IARS1: variants seen among roughly 807,000 people sequenced by gnomAD.
IARS1 encodes the protein isoleucyl-tRNA synthetase 1.
IARS1 carries 124 observed loss-of-function variants against 168.2 expected under a neutral mutation model. The observed-to-expected ratio is 0.74, with a 90% CI of 0.64 to 0.86. The LOEUF (loss-of-function observed/expected upper bound fraction) is 0.86. Among genes scored for constraint, IARS1 ranks in the 40% least tolerant of loss-of-function variants. IARS1 has a pLI of 0.00. For synonymous variants in IARS1, 532 were observed against 529.4 expected, an observed-to-expected ratio of 1.00 and a Z score of -0.07; for missense variants, 1,452 against 1,515.8, an observed-to-expected ratio of 0.96 and a Z score of 0.70.
At chr9:92,285,342 G>A (rs1380611616) in intron 6 of IARS1, among the ~76,000 whole-genome samples, 6 of 152,016 alleles carry the variant, frequency 3.9e-5, no homozygotes, top group South Asian at 2.1e-4. Flanking sequence ...TCCAAATACC[G>A]TTAACAAATA....
chr9:92,256,691 G>A lies in IARS1; in HGVS notation c.2126C>T (p.Thr709Ile). The A allele has an allele frequency of 6.2e-7, 1 of 1,613,590 alleles. No individual in the cohort carries two copies. ...CAAGAGAGACTCACCTGCCATTTCA[G>A]TCTCAAAGAAGCCAATGAGAGACTG... ...FMQSLIGFFETEMAAYRLYTV... is the reference protein window; with the variant it reads ...FMQSLIGFFEIEMAAYRLYTV... Residue 709 changes from threonine to isoleucine, a missense_variant, in exon 20 of 34, where the codon ACT (threonine) becomes ATT (isoleucine). By Grantham distance (89) the Thr-to-Ile change is moderately conservative. Transcript: ENST00000443024.
intron 1 of IARS1, 186 bp downstream of exon 1, chr9:92,293,425 T>C (rs762211163): frequency 3.6e-5 from 19 of 531,416 alleles, no homozygotes; most frequent in African/African-American, 5.8e-5. Flanking sequence ...AAGATTTTAC[T>C]CATTTCAAAC....
Position 92,243,280 on chromosome 9 carries a change from T to G in IARS1, c.2936A>C (p.Gln979Pro). Residue 979 changes from glutamine (Q) to proline (P), a missense_variant, in exon 28 of 34, where the codon CAG (glutamine) becomes CCG (proline). Gln to Pro is a moderately conservative substitution (Grantham distance 76). Transcript: ENST00000443024. The stretch of plus-strand genomic sequence containing the variant: ...AGCCATTCCTTCATCTACCATTGAC[T>G]GGTCAGGAGTGACATCTAAGAGGAC... ...ALVLLDVTPDQSMVDEGMARE... is the reference protein window; with the variant it reads ...ALVLLDVTPDPSMVDEGMARE... 1.2e-6 allele frequency: 2 copies of G among 1,613,574 alleles called. No homozygotes were observed. The highest frequency in any genetic ancestry group is 3.3e-4 in the Middle Eastern group (2 of 6,060).
At chr9:92,274,633 T>C (rs1228608906) in intron 9 of IARS1, 112 bp from the exon 10 acceptor site, 3 of 655,224 alleles carry the variant, frequency 4.6e-6, no homozygotes, top group Non-Finnish European at 8.1e-6. Context: ...GTAAAATTAT[T>C]TTCAGAAATA....
intron 10 of IARS1, among the ~76,000 whole-genome samples, chr9:92,272,566 A>T (rs1038748070): frequency 6.6e-6 from 1 of 152,188 alleles, no homozygotes; most frequent in Admixed American, 6.5e-5. Flanking sequence ...AATGTTTACC[A>T]AGGCCGGGTG....
rs979112912 is a variant in IARS1 at position 92,210,766 on chromosome 9, A to G, written c.*41T>C. On this transcript the variant is annotated 3_prime_UTR_variant, in exon 34 of 34. Transcript: ENST00000443024. ...GCATGTATGTGTAGGGGATAGGTGT[A>G]ATTAGGGAAGGGCTGACCGAACAAC... 8.4e-7 allele frequency: 1 copy of G among 1,186,088 alleles called. No individual in the cohort carries two copies. Among genetic ancestry groups the G allele is most frequent in the South Asian group, 1.2e-5 (1 of 82,312 alleles). 73.5% of individuals were successfully genotyped at this position (1,186,088 alleles called of 1,614,324 possible).
In IARS1 at chr9:92,222,517, T is replaced by C. The variant is rs1383803474; in HGVS notation, c.3706+3A>G. The C allele has an allele frequency of 6.2e-7, 1 of 1,613,486 alleles. No individual in the cohort carries two copies. The highest frequency in any genetic ancestry group is 8.5e-7 in the Non-Finnish European group (1 of 1,179,826). The stretch of plus-strand genomic sequence containing the variant: ...AAAAACTTACGGTCCACAATCTCCT[T>C]ACCCTGCGTTTGGGTCTCATTCAGA... On this transcript the variant is annotated splice_donor_region_variant and intron_variant, in intron 33 of 33. Coordinates refer to ENST00000443024, the MANE Select transcript of IARS1 (RefSeq NM_002161.6).
chr9:92,242,126 T>A, intron 29 of IARS1, 28 bp downstream of exon 29: 3 of 1,573,236 alleles, frequency 1.9e-6, no homozygotes, highest in Non-Finnish European at 2.6e-6. Context: ...AACCCTTTAG[T>A]AGTAGTTCAG....
rs1442827698 is a variant in IARS1, at chr9:92,210,569, A to T, written c.*238T>A. The T allele has an allele frequency of 2.4e-6, 1 of 410,550 alleles. No homozygotes were observed. Among genetic ancestry groups the T allele is most frequent in the Non-Finnish European group, 4.4e-6 (1 of 227,858 alleles). 25.4% of individuals were successfully genotyped at this position (410,550 alleles called of 1,614,324 possible). On this transcript the variant is annotated 3_prime_UTR_variant, in exon 34 of 34. Transcript: ENST00000443024. The stretch of plus-strand genomic sequence containing the variant: ...GAAATAAACTGTGGGCTGAAGTAAC[A>T]TTGTAACCTGCTCCCAACATGACTG...
intron 17 of IARS1, among the ~76,000 whole-genome samples, chr9:92,262,354 T>C (rs139832509): frequency 1.3e-3 from 204 of 152,354 alleles, no homozygotes; most frequent in Non-Finnish European, 2.0e-3. Context: ...GTAGGATTTC[T>C]GTGTGGGTAC....
chr9:92,265,943 G>A (rs1013301158), intron 14 of IARS1, among the ~76,000 whole-genome samples: 8 of 152,164 alleles, frequency 5.3e-5, no homozygotes, highest in Non-Finnish European at 1.2e-4. Flanking sequence ...ACAGGCGTGA[G>A]CCACCCAGCC....
In IARS1 at chr9:92,242,284, T is replaced by C. The variant is rs1828545005; in HGVS notation, c.3047A>G (p.Lys1016Arg). 1 of 1,613,950 alleles carries C rather than the reference T, an allele frequency of 6.2e-7. No individual in the cohort carries two copies. Among genetic ancestry groups the C allele is most frequent in the South Asian group, 1.1e-5 (1 of 91,082 alleles). ...ACTATTCAGATATGTTCCTTCAGAC[T>C]TTGCTTTATAGTACACTGTGATTTC... The part of the protein sequence containing the change: ...TDEITVYYKA[K>R]SEGTYLNSVI... Residue 1016 changes from lysine (K) to arginine (R), a missense_variant, in exon 29 of 34, where the codon AAG (lysine) becomes AGG (arginine). Coordinates refer to ENST00000443024, the MANE Select transcript of IARS1 (RefSeq NM_002161.6).
chr9:92,247,562 T>C lies in IARS1; in HGVS notation c.2617-11A>G. 2.5e-6 allele frequency: 4 copies of C among 1,608,866 alleles called. No homozygotes were observed. The highest frequency in any genetic ancestry group is 4.5e-5 in the East Asian group (2 of 44,792). ...TCGAACATTGAGTTCCTACAGTTAA[T>C]GCACAAGAGGAAACAAAAATGAGAA... On this transcript the variant is annotated splice_polypyrimidine_tract_variant and intron_variant, in intron 25 of 33. Coordinates refer to ENST00000443024, the MANE Select transcript of IARS1 (RefSeq NM_002161.6).
At chr9:92,249,099 C>T (rs1829652271) in intron 25 of IARS1, among the ~76,000 whole-genome samples, 1 of 152,108 alleles carries the variant, frequency 6.6e-6, no homozygotes, top group African/African-American at 2.4e-5. Context: ...AACAACGGGA[C>T]AGTAATTAAA....
At chr9:92,283,372 G>A (rs1178773172) in intron 6 of IARS1, among the ~76,000 whole-genome samples, 1 of 152,224 alleles carries the variant, frequency 6.6e-6, no homozygotes, top group Non-Finnish European at 1.5e-5. Flanking sequence ...TGGGCGTGGT[G>A]GCTCACGCCT....
chr9:92,270,893 G>C, intron 12 of IARS1, 92 bp downstream of exon 12: 1 of 800,756 alleles, frequency 1.2e-6, no homozygotes, highest in African/African-American at 1.7e-5. Context: ...CAAGTGAGAT[G>C]AACACCACAA....
intron 17 of IARS1, among the ~76,000 whole-genome samples, chr9:92,262,557 G>C (rs985428409): frequency 6.6e-6 from 1 of 151,998 alleles, no homozygotes. Flanking sequence ...AGAGTACCTC[G>C]GTCAAGCCCA....
intron 9 of IARS1, among the ~76,000 whole-genome samples, chr9:92,276,499 C>T (rs1283772214): frequency 3.3e-5 from 5 of 152,096 alleles, no homozygotes; most frequent in East Asian, 3.9e-4. Flanking sequence ...TGGGCAGCAA[C>T]GTGGGAGGAG....
chr9:92,245,602 G>A (rs1402626390), intron 26 of IARS1, among the ~76,000 whole-genome samples: 3 of 152,088 alleles, frequency 2.0e-5, no homozygotes, highest in Admixed American at 6.6e-5. Flanking sequence ...CTGATAGGGA[G>A]GCCCACTGTT....
Sources: allele counts gnomAD v4.1 joint callset (sites outside exome capture counted in the v4.1 genomes callset), GRCh38; gene constraint gnomAD v4.1.1; transcripts MANE v1.5; gene names NCBI Gene and HGNC (gene_info 2026-07-23, HGNC 2026-07-21).